ARHGAP29: variants seen among roughly 807,000 people sequenced by gnomAD.
ARHGAP29 encodes rho GTPase-activating protein 29.
ARHGAP29 carries 43 observed loss-of-function variants against 122.6 expected under a neutral mutation model. That is an observed-to-expected ratio of 0.35 (90% CI 0.27 to 0.45). The LOEUF (loss-of-function observed/expected upper bound fraction) is 0.45, where lower values mean the gene tolerates loss of function less well. Ranked by LOEUF, ARHGAP29 falls within the 20% of genes least tolerant of loss-of-function variation. The pLI, the probability that ARHGAP29 is intolerant of heterozygous loss-of-function variation, is 1.00. For synonymous variants in ARHGAP29, 506 were observed against 497.1 expected, an observed-to-expected ratio of 1.02 and a Z score of -0.24; for missense variants, 1,303 against 1,477.2, an observed-to-expected ratio of 0.88 and a Z score of 1.93.
At chr1:94,309,662 A>G in the ARHGAP29 span, among the ~76,000 whole-genome samples, 1 of 152,208 alleles carries the variant, frequency 6.6e-6, no homozygotes, top group East Asian at 1.9e-4. Context: ...CACCCAGACT[A>G]GAGGGAGGGA....
At chr1:94,232,665 G>A (rs1420219210) in intron 1 of ARHGAP29, among the ~76,000 whole-genome samples, 2 of 152,140 alleles carry the variant, frequency 1.3e-5, no homozygotes, top group Non-Finnish European at 2.9e-5. Flanking sequence ...GACTTCATAT[G>A]TTAAAACACC....
chr1:94,224,308 A>C (rs1320702968), intron 2 of ARHGAP29, among the ~76,000 whole-genome samples: 1 of 152,240 alleles, frequency 6.6e-6, no homozygotes, highest in Non-Finnish European at 1.5e-5. Flanking sequence ...TTAGAAAAGA[A>C]AGTTATTTCT....
At chr1:94,258,612 AG>A (rs922589077) in intron 1 of ARHGAP29, among the ~76,000 whole-genome samples, 1 of 152,196 alleles carries the variant, frequency 6.6e-6, no homozygotes, top group African/African-American at 2.4e-5. Context: ...AGTGGTAATC[AG>A]GGAAGGGTCC....
rs932114392 is a variant in ARHGAP29, at chr1:94,170,483, T to C, written c.*3386A>G. 1.3e-5 allele frequency among the ~76,000 whole-genome samples: 2 copies of C among 152,118 alleles called. No homozygotes were observed. Among genetic ancestry groups the C allele is most frequent in the Admixed American group, 6.5e-5 (1 of 15,270 alleles). ...ACTAAATGCACTATGTGGTCCTGGA[T>C]TGGGATGCTGAAACACAGGAACATT... On this transcript the variant is annotated 3_prime_UTR_variant, in exon 23 of 23. Transcript: ENST00000260526.
chr1:94,214,954 G>C (rs1651865527), intron 3 of ARHGAP29, among the ~76,000 whole-genome samples: 1 of 151,998 alleles, frequency 6.6e-6, no homozygotes, highest in African/African-American at 2.4e-5. Context: ...TAAGTTTTAT[G>C]TAATGAGTGT....
chr1:94,198,496 C>T (rs1158822669), intron 12 of ARHGAP29, among the ~76,000 whole-genome samples: 1 of 151,842 alleles, frequency 6.6e-6, no homozygotes, highest in Non-Finnish European at 1.5e-5. Context: ...ACAAAAAACC[C>T]CCCAAACCAA....
chr1:94,313,369 G>A, the ARHGAP29 span, among the ~76,000 whole-genome samples: 22 of 152,202 alleles, frequency 1.4e-4, no homozygotes, highest in African/African-American at 5.3e-4. Context: ...CCCCTGCTTT[G>A]TTTTTCTTCA....
At chr1:94,179,687 GC>G in intron 20 of ARHGAP29, 37 bp downstream of exon 20, 2 of 1,268,442 alleles carry the variant, frequency 1.6e-6, no homozygotes, top group Admixed American at 4.5e-5. Flanking sequence ...CAAATCAATT[GC>G]CCATTAATAA....
intron 1 of ARHGAP29, among the ~76,000 whole-genome samples, chr1:94,269,349 G>A (rs558928880): frequency 2.2e-4 from 34 of 152,228 alleles, no homozygotes; most frequent in African/African-American, 7.9e-4. Context: ...AGTTTAAACC[G>A]CGATTATAAT....
the ARHGAP29 span, among the ~76,000 whole-genome samples, chr1:94,291,742 A>C: frequency 6.6e-6 from 1 of 152,140 alleles, no homozygotes; most frequent in Non-Finnish European, 1.5e-5. Context: ...AAATTCTGGG[A>C]TGAAAATTCT....
intron 22 of ARHGAP29, among the ~76,000 whole-genome samples, chr1:94,175,585 A>G (rs1023150997): frequency 2.6e-5 from 4 of 152,164 alleles, no homozygotes; most frequent in African/African-American, 9.7e-5. Flanking sequence ...TCTCTTAGGC[A>G]GTGGTTTGCA....
At chr1:94,188,745 A>C in intron 15 of ARHGAP29, 92 bp downstream of exon 15, 1 of 1,051,248 alleles carries the variant, frequency 9.5e-7, no homozygotes, top group Non-Finnish European at 1.4e-6. Context: ...TATGTGTGAA[A>C]GTTCACTATA....
chr1:94,224,106 G>C (rs911787360), intron 2 of ARHGAP29, among the ~76,000 whole-genome samples: 1 of 152,160 alleles, frequency 6.6e-6, no homozygotes, highest in African/African-American at 2.4e-5. Context: ...ACCATGCCTG[G>C]CTTATAAAAC....
intron 2 of ARHGAP29, among the ~76,000 whole-genome samples, chr1:94,228,006 C>G (rs1652717014): frequency 6.6e-6 from 1 of 151,720 alleles, no homozygotes; most frequent in Non-Finnish European, 1.5e-5. Context: ...GTAACCTCCT[C>G]CTGGAGGTTA....
chr1:94,279,032 G>C (rs959340581), upstream of ARHGAP29, among the ~76,000 whole-genome samples: 8 of 152,220 alleles, frequency 5.3e-5, no homozygotes, highest in Non-Finnish European at 1.2e-4. Context: ...AATCAAAGTA[G>C]TGACTAACAA....
intron 1 of ARHGAP29, among the ~76,000 whole-genome samples, chr1:94,254,244 G>A (rs944356873): frequency 3.9e-5 from 6 of 152,070 alleles, no homozygotes; most frequent in East Asian, 1.9e-4. Context: ...TCTTGATGAC[G>A]TATTTAGTTT....
the ARHGAP29 span, among the ~76,000 whole-genome samples, chr1:94,281,405 CAGG>C: frequency 2.0e-5 from 3 of 152,102 alleles, no homozygotes; most frequent in African/African-American, 7.2e-5. Flanking sequence ...AAGCACAAGG[CAGG>C]AGGTGTGCTA....
chr1:94,206,921 T>C (rs995741831), intron 5 of ARHGAP29, among the ~76,000 whole-genome samples: 2 of 149,706 alleles, frequency 1.3e-5, no homozygotes, highest in African/African-American at 2.4e-5. Flanking sequence ...TTTAATATTA[T>C]ATATGTATAA....
At chr1:94,274,775 G>A (rs952559647) in intron 1 of ARHGAP29, among the ~76,000 whole-genome samples, 20 of 152,200 alleles carry the variant, frequency 1.3e-4, no homozygotes, top group Non-Finnish European at 1.9e-4. Flanking sequence ...CACTCTCCAG[G>A]AGCAAAGGTT....
Sources: allele counts gnomAD v4.1 joint callset (sites outside exome capture counted in the v4.1 genomes callset), GRCh38; gene constraint gnomAD v4.1.1; transcripts MANE v1.5; gene names NCBI Gene and HGNC (gene_info 2026-07-23, HGNC 2026-07-21).